ARG2: variants seen among roughly 807,000 people sequenced by gnomAD.
ARG2 encodes arginase 2.
Under a neutral mutation model 39.4 loss-of-function variants are expected in ARG2, and 21 were observed. The observed-to-expected ratio is 0.53, with a 90% CI of 0.38 to 0.77. The LOEUF is 0.77. ARG2 is among the 30% of genes least tolerant of loss of function. The pLI, the probability that ARG2 is intolerant of heterozygous loss-of-function variation, is 0.00. For missense variants in ARG2, 378 were observed against 426.2 expected, an observed-to-expected ratio of 0.89 and a Z score of 1.00; for synonymous variants, 150 against 156.7, an observed-to-expected ratio of 0.96 and a Z score of 0.32.
Position 67,650,907 on chromosome 14 carries a change from G to T in ARG2, c.1052G>T (p.Arg351Leu). ...SSPDESENQA[R>L]VRI Reference sequence around the variant, plus strand: ...CCAGATGAATCAGAAAATCAAGCACGTGTGAGAATTTAGGAGACACTGTGC... The same window carrying T: ...CCAGATGAATCAGAAAATCAAGCACTTGTGAGAATTTAGGAGACACTGTGC... Residue 351 changes from arginine to leucine, a missense_variant, in exon 8 of 8, where the codon CGT becomes CTT. By Grantham distance (102) the Arg-to-Leu change is moderately radical (BLOSUM62 -2). Coordinates refer to ENST00000261783, the MANE Select transcript of ARG2 (RefSeq NM_001172.4). 6.2e-7 allele frequency: 1 copy of T among 1,614,016 alleles called. No individual in the cohort carries two copies. The highest frequency in any genetic ancestry group is 8.5e-7 in the Non-Finnish European group (1 of 1,179,972).
chr14:67,640,699 C>T (rs192655277), intron 2 of ARG2, among the ~76,000 whole-genome samples: 18 of 152,306 alleles, frequency 1.2e-4, no homozygotes, highest in Admixed American at 5.9e-4. Context: ...TGTCAATGTT[C>T]TGTTCTCTGA....
chr14:67,641,679 C>G (rs1040927783), intron 2 of ARG2, among the ~76,000 whole-genome samples: 1 of 152,160 alleles, frequency 6.6e-6, no homozygotes, highest in African/African-American at 2.4e-5. Context: ...GTGGCTCATG[C>G]CCATAATCCC....
At chr14:67,639,873 C>T (rs924704619) in intron 2 of ARG2, among the ~76,000 whole-genome samples, 8 of 142,112 alleles carry the variant, frequency 5.6e-5, no homozygotes, top group South Asian at 2.2e-4. Context: ...TGCAGTGAGC[C>T]GAGATTGTGC....
intron 4 of ARG2, 134 bp downstream of exon 4, chr14:67,645,936 T>G (rs1253901918): frequency 6.8e-6 from 7 of 1,030,844 alleles, no homozygotes; most frequent in Non-Finnish European, 9.8e-6. Context: ...ATCACTATTA[T>G]GGACCAGGCA....
At chr14:67,642,956 C>A (rs1386560503) in intron 3 of ARG2, among the ~76,000 whole-genome samples, 2 of 152,026 alleles carry the variant, frequency 1.3e-5, no homozygotes, top group East Asian at 1.9e-4. Flanking sequence ...GTGCATGCCA[C>A]CATGCCTGGC....
intron 4 of ARG2, 74 bp from the exon 5 acceptor site, chr14:67,646,570 A>T: frequency 8.1e-7 from 1 of 1,228,784 alleles, no homozygotes; most frequent in Non-Finnish European, 1.2e-6. Context: ...TTGCATACCC[A>T]CGGACGCACA....
intron 2 of ARG2, 74 bp from the exon 3 acceptor site, chr14:67,642,112 C>A: frequency 7.1e-7 from 1 of 1,406,768 alleles, no homozygotes; most frequent in Non-Finnish European, 9.9e-7. Context: ...CACGTATTAT[C>A]ATTGTGGCCC....
At chr14:67,625,724 G>T (rs2036859347) in intron 2 of ARG2, among the ~76,000 whole-genome samples, 9 of 130,052 alleles carry the variant, frequency 6.9e-5, no homozygotes, top group South Asian at 2.8e-4. Context: ...CTTCATCAAT[G>T]TAATGAAAAA....
chr14:67,631,066 G>A (rs1163741630), intron 2 of ARG2, among the ~76,000 whole-genome samples: 7 of 151,998 alleles, frequency 4.6e-5, no homozygotes, highest in Admixed American at 3.9e-4. Flanking sequence ...CCCTCACCTC[G>A]TGTCATGGCT....
At chr14:67,644,218 G>C (rs1439149720) in intron 3 of ARG2, among the ~76,000 whole-genome samples, 1 of 152,158 alleles carries the variant, frequency 6.6e-6, no homozygotes, top group East Asian at 1.9e-4. Context: ...ACATTTTCAA[G>C]AAGAGCCATT....
At chr14:67,642,566 T>A (rs554078359) in intron 3 of ARG2, among the ~76,000 whole-genome samples, 2 of 152,266 alleles carry the variant, frequency 1.3e-5, no homozygotes, top group East Asian at 3.9e-4. Flanking sequence ...TATGACACAT[T>A]GCACAGTAAG....
At chr14:67,649,038 G>T (rs1001890628) in intron 7 of ARG2, 3 of 152,152 alleles carry the variant, frequency 2.0e-5, no homozygotes, top group African/African-American at 7.2e-5. Context: ...AGGCAGTACT[G>T]GTCTAATTCT....
chr14:67,645,331 T>C (rs982796624), intron 3 of ARG2, among the ~76,000 whole-genome samples: 2 of 152,196 alleles, frequency 1.3e-5, no homozygotes, highest in African/African-American at 4.8e-5. Flanking sequence ...ATTTCATTCA[T>C]TGAACAAATA....
intron 2 of ARG2, among the ~76,000 whole-genome samples, chr14:67,629,853 G>A (rs2036901485): frequency 6.6e-6 from 1 of 152,154 alleles, no homozygotes; most frequent in South Asian, 2.1e-4. Context: ...GATTTGTGTG[G>A]ATCCGATAGA....
In ARG2 at chr14:67,639,109, A is replaced by G. The variant is rs145565930; in HGVS notation, c.185-3077A>G. On this transcript the variant is annotated intron_variant, in intron 2 of 7. Coordinates refer to ENST00000261783, the MANE Select transcript of ARG2 (RefSeq NM_001172.4). ...CTGAATTAGCGACTGAAATCCTTCT[A>G]TGAAATTCAGTCTCTCTTCCTGGGA... Among the ~76,000 whole-genome samples, 500 of 152,338 alleles carry G rather than the reference A, an allele frequency of 3.3e-3. 2 individuals are homozygous for G. Among genetic ancestry groups the G allele is most frequent in the African/African-American group, 0.012 (484 of 41,582 alleles).
intron 4 of ARG2, 60 bp downstream of exon 4, chr14:67,645,862 C>T (rs532382482): frequency 2.5e-5 from 40 of 1,577,226 alleles, no homozygotes; most frequent in Admixed American, 3.5e-5. Context: ...TGGAGTTGGT[C>T]TAGTTCAGTT....
At position 67,651,457 on chromosome 14, in the gene ARG2, A is replaced by T; in HGVS notation, c.*537A>T. On this transcript the variant is annotated 3_prime_UTR_variant, in exon 8 of 8. Transcript: ENST00000261783. ...CGAGCTCCAGTAAGATGATAATGGA[A>T]AGCAGCAGCTTGTTGGTTGTCACTC... 7 of 1,613,918 alleles carry T rather than the reference A, an allele frequency of 4.3e-6. No individual in the cohort carries two copies. The highest frequency in any genetic ancestry group is 5.9e-6 in the Non-Finnish European group (7 of 1,179,798).
At chr14:67,625,187 T>C (rs2036850851) in intron 2 of ARG2, among the ~76,000 whole-genome samples, 1 of 151,902 alleles carries the variant, frequency 6.6e-6, no homozygotes. Flanking sequence ...TCTCACACCA[T>C]ATATGAAAAT....
Position 67,621,434 on chromosome 14 carries a change from A to G in ARG2, c.184+468A>G, listed in dbSNP as rs78112097. 4.9e-3 allele frequency among the ~76,000 whole-genome samples: 744 copies of G among 152,024 alleles called. 35 individuals carry two copies. The East Asian group carries it at 0.083, about 17-fold the overall frequency. On this transcript the variant is annotated intron_variant, in intron 2 of 7. Transcript: ENST00000261783. ...GATCTTATATAGAACTAATAGGCTT[A>G]GATCTATATTTTCCGTGTTCTTTTT...
Sources: gnomAD v4.1 joint callset for allele counts (sites outside exome capture counted in the v4.1 genomes callset) on GRCh38, gnomAD v4.1.1 for gene constraint, MANE v1.5 for transcripts, NCBI Gene and HGNC (gene_info 2026-07-23, HGNC 2026-07-21) for gene names.